SENP7: variants seen among roughly 807,000 people sequenced by gnomAD.
The protein encoded by SENP7 is SUMO specific peptidase 7, also known as sentrin-specific protease 7.
SENP7 carries 64 observed loss-of-function variants against 141.2 expected under a neutral mutation model. The observed-to-expected ratio is 0.45, with a 90% confidence interval of 0.37 to 0.56. The LOEUF is 0.56. Among genes scored for constraint, SENP7 ranks in the 20% least tolerant of loss-of-function variants. SENP7 has a pLI of 0.00. For synonymous variants in SENP7, 382 were observed against 426.4 expected (o/e 0.90, Z 1.28); for missense variants, 1,025 against 1,212.2 (o/e 0.85, Z 2.29).
intron 1 of SENP7, among the ~76,000 whole-genome samples, chr3:101,501,754 T>C (rs2065390332): frequency 6.6e-6 from 1 of 152,118 alleles, no homozygotes; most frequent in Non-Finnish European, 1.5e-5. Flanking sequence ...TACAGTATAG[T>C]GGGCAAATTC....
intron 4 of SENP7, among the ~76,000 whole-genome samples, chr3:101,444,279 T>C (rs2062797325): frequency 6.9e-6 from 1 of 145,474 alleles, no homozygotes; most frequent in South Asian, 2.3e-4. Flanking sequence ...TAGGAACACT[T>C]TGACACTGCT....
At position 101,408,628 on chromosome 3, in the gene SENP7, A is replaced by T. The variant is rs115475109; in HGVS notation, c.482+8965T>A. ...ATTAGGAATGCAAGGATGGTTTAAC[A>T]TACGTAAGTCAATAAATGTGACACA... On this transcript the variant is annotated intron_variant, in intron 5 of 23. Coordinates refer to ENST00000394095, the MANE Select transcript of SENP7 (RefSeq NM_020654.5). 6.1e-3 allele frequency among the ~76,000 whole-genome samples: 926 copies of T among 152,332 alleles called. 11 individuals are homozygous for T. Among genetic ancestry groups the T allele is most frequent in the African/African-American group, 0.022 (895 of 41,576 alleles).
intron 17 of SENP7, among the ~76,000 whole-genome samples, chr3:101,336,338 CTTGT>C (rs1015192059): frequency 1.1e-4 from 17 of 152,164 alleles, no homozygotes; most frequent in African/African-American, 3.9e-4. Flanking sequence ...TCTTCTAACT[CTTGT>C]TTATTACTCC....
intron 4 of SENP7, among the ~76,000 whole-genome samples, chr3:101,434,489 G>T (rs2062308991): frequency 1.3e-5 from 2 of 151,992 alleles, no homozygotes; most frequent in South Asian, 2.1e-4. Flanking sequence ...CAAAAAGTTG[G>T]TTTTTTCAAA....
At chr3:101,460,520 T>C (rs2178037) in intron 3 of SENP7, among the ~76,000 whole-genome samples, 60,315 of 151,896 alleles carry the variant, frequency 0.4, 12,486 homozygotes, top group Admixed American at 0.54. Context: ...GCACACTTGC[T>C]TCACATCATA....
intron 2 of SENP7, among the ~76,000 whole-genome samples, chr3:101,498,828 T>C (rs1160963913): frequency 2.0e-5 from 3 of 152,100 alleles, no homozygotes; most frequent in Non-Finnish European, 4.4e-5. Context: ...ACAAACACTA[T>C]TGTGAACTGT....
At chr3:101,337,893 G>A (rs1018289335) in intron 16 of SENP7, among the ~76,000 whole-genome samples, 17 of 152,100 alleles carry the variant, frequency 1.1e-4, no homozygotes, top group African/African-American at 2.9e-4. Flanking sequence ...GGTGGCTCAC[G>A]CCTGTAATCC....
chr3:101,433,343 G>GAAAAAAAAAAAAAAAAAAAA, intron 4 of SENP7, among the ~76,000 whole-genome samples: 1 of 139,288 alleles, frequency 7.2e-6, no homozygotes. Flanking sequence ...AAAAAAAAAG[G>GAAAAAAAAAAAAAAAAAAAA]AAAAAAAAAA....
chr3:101,407,292 A>G (rs749547108), intron 5 of SENP7, among the ~76,000 whole-genome samples: 6 of 152,180 alleles, frequency 3.9e-5, no homozygotes, highest in African/African-American at 7.2e-5. Flanking sequence ...TAAAACAACT[A>G]CTAATAGACC....
At chr3:101,362,693 G>T (rs143914119) in intron 10 of SENP7, among the ~76,000 whole-genome samples, 1 of 152,138 alleles carries the variant, frequency 6.6e-6, no homozygotes, top group Admixed American at 6.5e-5. Flanking sequence ...TTAATATGCC[G>T]TGAAGGAATG....
At chr3:101,330,252 A>G (rs2059013400) in intron 20 of SENP7, 82 bp downstream of exon 20, 2 of 1,005,652 alleles carry the variant, frequency 2.0e-6, no homozygotes, top group African/African-American at 1.6e-5. Context: ...AGCATAGCCC[A>G]CCTAGCTATG....
intron 4 of SENP7, among the ~76,000 whole-genome samples, chr3:101,450,386 C>T (rs1215654746): frequency 1.3e-5 from 2 of 152,180 alleles, no homozygotes; most frequent in African/African-American, 4.8e-5. Context: ...ACAGAACTCT[C>T]CACCCCCAAT....
At chr3:101,456,594 T>A (rs192322502) in intron 4 of SENP7, among the ~76,000 whole-genome samples, 16 of 152,306 alleles carry the variant, frequency 1.1e-4, no homozygotes, top group Admixed American at 2.0e-4. Context: ...ATTATCTTTT[T>A]ATGCTAGGCT....
Position 101,325,902 on chromosome 3 carries a change from G to C in SENP7, c.*41C>G. The C allele has an allele frequency of 6.6e-7, 1 of 1,520,628 alleles. No individual in the cohort carries two copies. Among genetic ancestry groups the C allele is most frequent in the Non-Finnish European group, 8.8e-7 (1 of 1,134,326 alleles). 94.2% of individuals were successfully genotyped at this position (1,520,628 alleles called of 1,614,324 possible). On this transcript the variant is annotated 3_prime_UTR_variant, in exon 24 of 24. Coordinates refer to ENST00000394095, the MANE Select transcript of SENP7 (RefSeq NM_020654.5). ...ACAAATGCTGGTAAGAGGCTTTCCA[G>C]TAATCTTAGAGAACATCTGTGTCAT...
chr3:101,363,056 G>A (rs1295682964), intron 10 of SENP7: 3 of 414,758 alleles, frequency 7.2e-6, no homozygotes, highest in African/African-American at 2.2e-5. Context: ...CTTACCTCTC[G>A]CAAATGTGAC....
chr3:101,324,331 C>A lies in SENP7; in HGVS notation c.*1612G>T, dbSNP rs1281794207. The stretch of plus-strand genomic sequence containing the variant: ...ACTGATATCCTCAAAACATTACTTG[C>A]ACATTAATTTAGGAAAATGAATTTT... On this transcript the variant is annotated 3_prime_UTR_variant, in exon 24 of 24. Transcript: ENST00000394095. 1 of 151,974 alleles carries A rather than the reference C, an allele frequency of 6.6e-6. No individual in the cohort carries two copies. Among genetic ancestry groups the A allele is most frequent in the Non-Finnish European group, 1.5e-5 (1 of 67,966 alleles). 9.4% of individuals were successfully genotyped at this position (151,974 alleles called of 1,614,324 possible). A position where few individuals can be genotyped will look rare whatever the true frequency, so the allele number is the denominator to read the frequency against.
chr3:101,397,175 C>G (rs1454983596), intron 6 of SENP7, among the ~76,000 whole-genome samples: 1 of 151,874 alleles, frequency 6.6e-6, no homozygotes, highest in Non-Finnish European at 1.5e-5. Flanking sequence ...GCCCTGTCAC[C>G]CAGGCTAGGA....
intron 11 of SENP7, chr3:101,358,103 G>A (rs1329906897): frequency 1.8e-6 from 1 of 560,442 alleles, no homozygotes; most frequent in African/African-American, 2.0e-5. Context: ...TGTGAAGAAT[G>A]TGGCAAAATT....
chr3:101,329,308 A>G (rs2058983919), intron 20 of SENP7, among the ~76,000 whole-genome samples: 1 of 152,188 alleles, frequency 6.6e-6, no homozygotes, highest in Non-Finnish European at 1.5e-5. Flanking sequence ...GAGTCTTAGA[A>G]TGAATATTCT....
Sources: allele counts gnomAD v4.1 joint callset (sites outside exome capture counted in the v4.1 genomes callset), GRCh38; gene constraint gnomAD v4.1.1; transcripts MANE v1.5; gene names NCBI Gene and HGNC (gene_info 2026-07-23, HGNC 2026-07-21).